FERRY3: variants seen among roughly 807,000 people sequenced by gnomAD.
The protein encoded by FERRY3 is FERRY endosomal RAB5 effector complex subunit 3, also known as protein C12orf4.
chr12:4,527,730 C>T, the FERRY3 span, among the ~76,000 whole-genome samples: 1 of 151,966 alleles, frequency 6.6e-6, no homozygotes, highest in African/African-American at 2.4e-5. Flanking sequence ...TTTTCTTTTT[C>T]AAGCTAGCGG....
chr12:4,487,792 G>C, the FERRY3 span: 1 of 151,900 alleles, frequency 6.6e-6, no homozygotes, highest in East Asian at 1.9e-4. Flanking sequence ...TCCACAGTTG[G>C]TTGAACAGAG....
chr12:4,533,305 G>A, the FERRY3 span, among the ~76,000 whole-genome samples: 9 of 152,028 alleles, frequency 5.9e-5, no homozygotes, highest in Non-Finnish European at 1.0e-4. Flanking sequence ...ACAAACCTCT[G>A]ACCTTGTGTT....
chr12:4,528,137 T>C, the FERRY3 span, among the ~76,000 whole-genome samples: 1 of 151,986 alleles, frequency 6.6e-6, no homozygotes, highest in Admixed American at 6.5e-5. Flanking sequence ...AATGGAAGTA[T>C]AGGGAGCCAA....
chr12:4,500,794 A>C, the FERRY3 span, among the ~76,000 whole-genome samples: 4 of 152,178 alleles, frequency 2.6e-5, no homozygotes, highest in African/African-American at 9.7e-5. Flanking sequence ...CTGGGATTAC[A>C]GGCATGTGCC....
At chr12:4,500,826 T>C in the FERRY3 span, among the ~76,000 whole-genome samples, 3 of 152,138 alleles carry the variant, frequency 2.0e-5, no homozygotes, top group African/African-American at 7.2e-5. Flanking sequence ...CTAATTTTTG[T>C]ATTTTTAGTA....
the FERRY3 span, among the ~76,000 whole-genome samples, chr12:4,517,566 A>T: frequency 6.6e-6 from 1 of 151,038 alleles, no homozygotes; most frequent in African/African-American, 2.4e-5. Context: ...TACGTTTCAT[A>T]TATTTTATAT....
chr12:4,490,505 C>A, the FERRY3 span: 34 of 1,572,468 alleles, frequency 2.2e-5, no homozygotes, highest in East Asian at 7.0e-4. Flanking sequence ...GGGGTGAGAT[C>A]TATTCAGATA....
the FERRY3 span, among the ~76,000 whole-genome samples, chr12:4,491,019 A>G: frequency 6.6e-6 from 1 of 152,206 alleles, no homozygotes; most frequent in Non-Finnish European, 1.5e-5. Flanking sequence ...GAAAAATAAA[A>G]CTAAAAAAGT....
chr12:4,516,578 G>T, the FERRY3 span, among the ~76,000 whole-genome samples: 1 of 152,210 alleles, frequency 6.6e-6, no homozygotes, highest in Non-Finnish European at 1.5e-5. Context: ...GATGGAGCTG[G>T]AAACCATTAT....
At chr12:4,517,081 C>A in the FERRY3 span, 1 of 1,566,616 alleles carries the variant, frequency 6.4e-7, no homozygotes, top group Non-Finnish European at 8.6e-7. Context: ...TTTCAATTTA[C>A]TCCTGCGCTG....
chr12:4,506,074 T>C, the FERRY3 span, among the ~76,000 whole-genome samples: 1 of 152,144 alleles, frequency 6.6e-6, no homozygotes, highest in African/African-American at 2.4e-5. Context: ...AACATTATGA[T>C]TGAATATACA....
At chr12:4,511,344 CAACAAGG>C in the FERRY3 span, among the ~76,000 whole-genome samples, 5,445 of 151,974 alleles carry the variant, frequency 0.036, 315 homozygotes, top group African/African-American at 0.12. Context: ...GACAGAAAGT[CAACAAGG>C]ATACGCAGGA....
chr12:4,527,738 C>A, the FERRY3 span, among the ~76,000 whole-genome samples: 1 of 151,802 alleles, frequency 6.6e-6, no homozygotes, highest in East Asian at 1.9e-4. Context: ...TTCAAGCTAG[C>A]GGTTTGGACA....
At chr12:4,527,194 T>A in the FERRY3 span, among the ~76,000 whole-genome samples, 1 of 152,166 alleles carries the variant, frequency 6.6e-6, no homozygotes, top group African/African-American at 2.4e-5. Flanking sequence ...TTTTAAAGTT[T>A]AAAGAAATAT....
At chr12:4,517,134 C>T in the FERRY3 span, 6 of 1,595,642 alleles carry the variant, frequency 3.8e-6, no homozygotes. Context: ...CTTCTAATTG[C>T]TCTTCAATTC....
the FERRY3 span, among the ~76,000 whole-genome samples, chr12:4,522,421 G>A: frequency 6.6e-6 from 1 of 152,112 alleles, no homozygotes; most frequent in Non-Finnish European, 1.5e-5. Flanking sequence ...TCCAGCACAT[G>A]AAAAAATGTT....
the FERRY3 span, among the ~76,000 whole-genome samples, chr12:4,538,000 A>T: frequency 6.6e-6 from 1 of 152,190 alleles, no homozygotes; most frequent in Non-Finnish European, 1.5e-5. Context: ...ACAGCAATAA[A>T]AAAGAATCAA....
the FERRY3 span, among the ~76,000 whole-genome samples, chr12:4,534,741 A>C: frequency 2.0e-5 from 3 of 152,202 alleles, no homozygotes; most frequent in Non-Finnish European, 2.9e-5. Flanking sequence ...TCTTAATAGA[A>C]TCTCCAACTA....
the FERRY3 span, among the ~76,000 whole-genome samples, chr12:4,525,922 AAAG>A: frequency 1.3e-5 from 2 of 152,198 alleles, no homozygotes; most frequent in South Asian, 2.1e-4. Flanking sequence ...AAATTTCCTC[AAAG>A]AAGAGGCTCT....
Sources: allele counts gnomAD v4.1 joint callset (sites outside exome capture counted in the v4.1 genomes callset), GRCh38; gene constraint gnomAD v4.1.1; transcripts MANE v1.5; gene names NCBI Gene and HGNC (gene_info 2026-07-23, HGNC 2026-07-21).